Variants in DCAF6 observed in about 807,000 individuals in gnomAD.
DCAF6 encodes DDB1 and CUL4 associated factor 6, also known as DDB1- and CUL4-associated factor 6.
Under a neutral mutation model 125.1 loss-of-function variants are expected in DCAF6, and 54 were observed. The observed-to-expected ratio is 0.43, with a 90% CI of 0.35 to 0.54. The LOEUF is 0.54. Among genes scored for constraint, DCAF6 ranks in the 20% least tolerant of loss-of-function variants. The pLI, the probability that DCAF6 is intolerant of heterozygous loss-of-function variation, is 0.01. For missense variants in DCAF6, 934 were observed against 1,161.7 expected (o/e 0.80, Z 2.85); for synonymous variants, 371 against 390.4 (o/e 0.95, Z 0.58).
chr1:167,880,262 G>C, the DCAF6 span: 4 of 1,367,958 alleles, frequency 2.9e-6, no homozygotes, highest in South Asian at 2.4e-5. Flanking sequence ...TGGGAAGGGT[G>C]GGAAATAATG....
intron 12 of DCAF6, among the ~76,000 whole-genome samples, chr1:168,037,063 A>G (rs1369264417): frequency 6.6e-6 from 1 of 151,362 alleles, no homozygotes; most frequent in Non-Finnish European, 1.5e-5. Context: ...CCTCTCACAG[A>G]ATAAAGGCTA....
the DCAF6 span, among the ~76,000 whole-genome samples, chr1:167,868,786 C>T: frequency 1.3e-5 from 2 of 152,178 alleles, no homozygotes; most frequent in Non-Finnish European, 2.9e-5. Context: ...AAAAATTATA[C>T]AATACTATAG....
chr1:168,058,253 G>T (rs1691144016), intron 17 of DCAF6, among the ~76,000 whole-genome samples: 1 of 151,988 alleles, frequency 6.6e-6, no homozygotes, highest in Non-Finnish European at 1.5e-5. Flanking sequence ...TCTAGTTTTT[G>T]GTATTAACAG....
intron 5 of DCAF6, among the ~76,000 whole-genome samples, chr1:167,990,441 A>G (rs1464186195): frequency 6.6e-6 from 1 of 152,230 alleles, no homozygotes; most frequent in African/African-American, 2.4e-5. Flanking sequence ...TAGGTAGATT[A>G]TAACTCCATC....
chr1:167,937,167 T>C lies in DCAF6; in HGVS notation c.97+159T>C, dbSNP rs1167243609. On this transcript the variant is annotated intron_variant, in intron 1 of 21. Transcript: ENST00000367840. ...CCTTGGTTGCCGAATTCCGTGCCGG[T>C]GCCTCCCCCAGTCAAGCCCCCTGTG... The C allele has an allele frequency of 1.2e-5, 8 of 640,266 alleles. No individual in the cohort carries two copies. In the East Asian group the frequency reaches 2.3e-4, roughly 18 times the overall value. 39.7% of individuals were successfully genotyped at this position (640,266 alleles called of 1,614,324 possible). A position where few individuals can be genotyped will look rare whatever the true frequency, so the allele number is the denominator to read the frequency against.
At chr1:167,957,303 T>C (rs1674932237) in intron 2 of DCAF6, among the ~76,000 whole-genome samples, 1 of 152,024 alleles carries the variant, frequency 6.6e-6, no homozygotes, top group Admixed American at 6.5e-5. Context: ...TAATACTTTC[T>C]GTCTCTACCA....
intron 2 of DCAF6, among the ~76,000 whole-genome samples, chr1:167,960,984 G>T (rs1298563883): frequency 1.3e-5 from 2 of 152,076 alleles, no homozygotes; most frequent in African/African-American, 4.8e-5. Flanking sequence ...ATATGGAATA[G>T]CTCTTCATTT....
chr1:168,043,075 A>G lies in DCAF6; in HGVS notation c.1778A>G (p.Glu593Gly). 1 of 1,613,038 alleles carries G rather than the reference A, an allele frequency of 6.2e-7. No individual in the cohort carries two copies. Among genetic ancestry groups the G allele is most frequent in the South Asian group, 1.1e-5 (1 of 90,962 alleles). Residue 593 changes from glutamate to glycine, a missense_variant, in exon 14 of 22, where the codon GAG (glutamate) becomes GGG (glycine). This residue lies in a region of DCAF6 where 559 missense variants were observed against 635.5 expected (regional missense o/e 0.88). Transcript: ENST00000367840. ...SRGIGSHCKS[E>G]GQEESFVPQS... ...GGAATTGGGAGCCATTGCAAATCTGAGGGTCAGGAGGAATCTTTCGTCCCA... is the reference window on the plus strand; with the variant it reads ...GGAATTGGGAGCCATTGCAAATCTGGGGGTCAGGAGGAATCTTTCGTCCCA...
At chr1:167,957,168 G>A (rs1480005987) in intron 2 of DCAF6, among the ~76,000 whole-genome samples, 1 of 151,688 alleles carries the variant, frequency 6.6e-6, no homozygotes, top group East Asian at 1.9e-4. Flanking sequence ...TCAATTCGGT[G>A]GTTTTTAGTG....
At chr1:167,932,680 A>G (rs1401557721), upstream of DCAF6, among the ~76,000 whole-genome samples, 1 of 151,912 alleles carries the variant, frequency 6.6e-6, no homozygotes, top group African/African-American at 2.4e-5. Context: ...ATGGTGGCAC[A>G]TGCCTGTAAT....
At chr1:167,975,616 G>A (rs563324851) in intron 4 of DCAF6, among the ~76,000 whole-genome samples, 15 of 152,168 alleles carry the variant, frequency 9.9e-5, no homozygotes, top group Non-Finnish European at 2.2e-4. Context: ...CATGACCATG[G>A]CTCTCTGCAG....
At chr1:167,911,784 T>A in the DCAF6 span, among the ~76,000 whole-genome samples, 4 of 152,152 alleles carry the variant, frequency 2.6e-5, no homozygotes, top group Non-Finnish European at 2.9e-5. Context: ...CAAACAGAGG[T>A]GATTTTAGTC....
the DCAF6 span, among the ~76,000 whole-genome samples, chr1:167,895,970 C>T: frequency 6.6e-6 from 1 of 151,918 alleles, no homozygotes; most frequent in Non-Finnish European, 1.5e-5. Flanking sequence ...AAGAATAATA[C>T]TTTTGAACTC....
At chr1:167,954,396 T>C (rs553631084) in intron 2 of DCAF6, among the ~76,000 whole-genome samples, 18 of 152,214 alleles carry the variant, frequency 1.2e-4, no homozygotes, top group Non-Finnish European at 2.4e-4. Context: ...ATAATAACTT[T>C]AATTACTTTT....
chr1:167,920,774 T>G, the DCAF6 span: 1 of 842,046 alleles, frequency 1.2e-6, no homozygotes, highest in African/African-American at 1.7e-5. Context: ...AAAATGTAGA[T>G]TACAACAAAA....
At chr1:167,893,925 T>G in the DCAF6 span, 1 of 1,613,294 alleles carries the variant, frequency 6.2e-7, no homozygotes, top group South Asian at 1.1e-5. Flanking sequence ...TCAGCGTGCA[T>G]GCAAGCCTCA....
chr1:167,977,013 C>A (rs1678340565), intron 4 of DCAF6, among the ~76,000 whole-genome samples: 1 of 142,882 alleles, frequency 7.0e-6, no homozygotes, highest in African/African-American at 2.6e-5. Context: ...AAGTAATTCT[C>A]CTGTCAGCCT....
At chr1:167,868,186 C>T in the DCAF6 span, among the ~76,000 whole-genome samples, 6 of 152,062 alleles carry the variant, frequency 3.9e-5, no homozygotes, top group African/African-American at 1.2e-4. Flanking sequence ...TGCAATTAGC[C>T]GAGCATGTAG....
chr1:167,924,355 T>C, the DCAF6 span: 1 of 627,726 alleles, frequency 1.6e-6, no homozygotes, highest in Non-Finnish European at 2.6e-6. Flanking sequence ...AAACGATATG[T>C]CTGAGAATAT....
Sources: allele counts gnomAD v4.1 joint callset (sites outside exome capture counted in the v4.1 genomes callset), GRCh38; gene constraint gnomAD v4.1.1; regional missense constraint gnomAD v4.1.1; transcripts MANE v1.5; gene names NCBI Gene and HGNC (gene_info 2026-07-23, HGNC 2026-07-21).